Variants in VPS33B observed in about 807,000 individuals in gnomAD.
VPS33B encodes vacuolar protein sorting-associated protein 33B.
Under a neutral mutation model 95.3 loss-of-function variants are expected in VPS33B, and 80 were observed. The observed-to-expected ratio is 0.84, with a 90% CI of 0.70 to 1.01. The LOEUF is 1.01. VPS33B is among the 50% of genes least tolerant of loss of function. The pLI, the probability that VPS33B is intolerant of heterozygous loss-of-function variation, is 0.00. For missense variants in VPS33B, 715 were observed against 773.4 expected, an observed-to-expected ratio of 0.92 and a Z score of 0.90; for synonymous variants, 280 against 280.4, an observed-to-expected ratio of 1.00 and a Z score of 0.01.
Position 91,007,871 on chromosome 15 carries a change from A to T in VPS33B, c.497T>A (p.Leu166Gln). 1 of 1,614,196 alleles carries T rather than the reference A, an allele frequency of 6.2e-7. No homozygotes were observed. Residue 166 changes from leucine (L) to glutamine (Q), a missense_variant and splice_region_variant, in exon 7 of 23, where the codon CTG becomes CAG. Leu to Gln is a moderately radical substitution (Grantham distance 113, BLOSUM62 -2). Coordinates refer to ENST00000333371, the MANE Select transcript of VPS33B (RefSeq NM_018668.5). The surrounding 1 kb of genome is among the most constrained non-coding windows in gnomAD (Gnocchi z 5.3). ...AGACACAAGGGCCTCTGCATTTACCAGAAAGTAATCCCTGAAAAATTCTGG... is the reference window on the plus strand; with the variant it reads ...AGACACAAGGGCCTCTGCATTTACCTGAAAGTAATCCCTGAAAAATTCTGG... ...ELPEFFRDYFLEGDQRWINTV... is the reference protein window; with the variant it reads ...ELPEFFRDYFQEGDQRWINTV...
chr15:90,999,414 G>C lies in VPS33B; in HGVS notation c.1774+263C>G, dbSNP rs2040368610. On this transcript the variant is annotated intron_variant, in intron 22 of 22. Transcript: ENST00000333371. The surrounding 1 kb of genome is among the most constrained non-coding windows in gnomAD (Gnocchi z 5.1). ...GCTCACTGCAACCTCCACCTCCCGG[G>C]TTCAAGCAATTCTCCTGCCTCAGCC... The C allele has an allele frequency of 5.9e-6, 3 of 511,992 alleles. No homozygotes were observed. In the Admixed American group the frequency reaches 9.2e-5, roughly 16 times the overall value. 31.7% of individuals were successfully genotyped at this position (511,992 alleles called of 1,614,324 possible).
chr15:91,022,343 A>G lies in VPS33B; in HGVS notation c.-94T>C. 1 of 1,319,228 alleles carries G rather than the reference A, an allele frequency of 7.6e-7. No homozygotes were observed. The allele number at this position is 1,319,228 out of a possible 1,614,324, so 81.7% of individuals were successfully genotyped here. On this transcript the variant is annotated 5_prime_UTR_variant, in exon 1 of 23. Coordinates refer to ENST00000333371, the MANE Select transcript of VPS33B (RefSeq NM_018668.5). ...GGAAGCGCAAGGGGGGCTATCCTTC[A>G]GGCCTGGGCACCGACTTCCAGAGAC... is the stretch of plus-strand genomic sequence containing the variant.
intron 16 of VPS33B, among the ~76,000 whole-genome samples, chr15:91,003,461 A>G (rs1442183511): frequency 6.6e-6 from 1 of 152,010 alleles, no homozygotes; most frequent in Non-Finnish European, 1.5e-5. Context: ...TTATTTAGAG[A>G]TGGAGTCTTG....
rs931109363 is a variant in VPS33B, at chr15:91,015,107, G to C, written c.240-674C>G. Among the ~76,000 whole-genome samples the C allele has an allele frequency of 6.6e-6, 1 of 151,540 alleles. No individual in the cohort carries two copies. Among genetic ancestry groups the C allele is most frequent in the Non-Finnish European group, 1.5e-5 (1 of 67,884 alleles). ...TCCCAGCACTTTGGGAGGCAGAGGC[G>C]GGTGGATCACCTGAGGTCAGGAGTT... On this transcript the variant is annotated intron_variant, in intron 3 of 22. Transcript: ENST00000333371. The surrounding 1 kb of genome is among the most constrained non-coding windows in gnomAD (Gnocchi z 4.7).
Position 91,016,950 on chromosome 15 carries a change from C to A in VPS33B, c.239+13G>T. ...CCAGCTTGGAGTAGGGACAGACTCT[C>A]CCAGACACTCACTGTTCATTGGAGC... On this transcript the variant is annotated intron_variant, in intron 3 of 22. Transcript: ENST00000333371. The A allele has an allele frequency of 1.9e-6, 3 of 1,613,798 alleles. No homozygotes were observed. In the Middle Eastern group the frequency reaches 5.0e-4, roughly 266 times the overall value.
intron 1 of VPS33B, among the ~76,000 whole-genome samples, chr15:91,021,070 C>T (rs967238752): frequency 6.6e-6 from 1 of 152,092 alleles, no homozygotes; most frequent in African/African-American, 2.4e-5. Context: ...AAATCAACTT[C>T]CCCCATCAAA....
At position 91,011,008 on chromosome 15, in the gene VPS33B, T is replaced by C. The variant is rs1012243889; in HGVS notation, c.358-1162A>G. 7.9e-5 allele frequency among the ~76,000 whole-genome samples: 12 copies of C among 151,970 alleles called. No homozygotes were observed. The highest frequency in any genetic ancestry group is 2.9e-4 in the African/African-American group (12 of 41,368). ...GCTCTGAAAGGGAAAAGAGATGAAA[T>C]GGGAGACATTGTTTAGAAGGCATAG... is the stretch of plus-strand genomic sequence containing the variant. On this transcript the variant is annotated intron_variant, in intron 5 of 22. Transcript: ENST00000333371. The surrounding 1 kb of genome is among the most constrained non-coding windows in gnomAD (Gnocchi z 5.5).
In VPS33B at chr15:91,022,414, C is replaced by T; in HGVS notation, c.-165G>A. 1.6e-6 allele frequency: 1 copy of T among 622,460 alleles called. No homozygotes were observed. The highest frequency in any genetic ancestry group is 2.8e-6 in the Non-Finnish European group (1 of 363,396). 38.6% of individuals were successfully genotyped at this position (622,460 alleles called of 1,614,324 possible). On this transcript the variant is annotated 5_prime_UTR_variant, in exon 1 of 23. Transcript: ENST00000333371. ...TCAGCAGCACTCCAGGAATGAATGG[C>T]CACCTCCAGGCAAGAGAGCTACTAC... is the stretch of plus-strand genomic sequence containing the variant.
chr15:91,000,565 A>G lies in VPS33B; in HGVS notation c.1506T>C (p.Asp502=), dbSNP rs775501556. 9 of 1,613,208 alleles carry G rather than the reference A, an allele frequency of 5.6e-6. No individual in the cohort carries two copies. In the East Asian group the frequency reaches 1.6e-4, roughly 28 times the overall value. The part of the protein sequence containing the change: ...NLIPRVDGEY[D]LKVPRDMAYV... ...AAGCCATGTCTCGGGGCACTTTCAG[A>G]TCATACTCGCCGTCCACACGTGGGA... The change falls in exon 20 of 23, where the codon GAT becomes GAC. Residue 502 remains aspartate (D), a synonymous_variant. Transcript: ENST00000333371. This position sits in a 1 kb window ranked among gnomAD's most constrained non-coding sequence, Gnocchi z 4.9.
chr15:91,020,837 C>T (rs1235003969), intron 1 of VPS33B, among the ~76,000 whole-genome samples: 2 of 152,188 alleles, frequency 1.3e-5, no homozygotes, highest in South Asian at 2.1e-4. Context: ...GCCAAGATCG[C>T]GCCACTGCAC....
chr15:91,014,219 C>CAAAAAAAAAAAAAAAA (rs61232231), intron 4 of VPS33B, among the ~76,000 whole-genome samples, 165 bp downstream of exon 4: 1 of 59,624 alleles, frequency 1.7e-5, no homozygotes, highest in Non-Finnish European at 3.6e-5. Context: ...AACTCCGTCT[C>CAAAAAAAAAAAAAAAA]AAAAAAAAAA....
At position 90,999,110 on chromosome 15, in the gene VPS33B, C is replaced by T; in HGVS notation, c.1775-56G>A. The T allele has an allele frequency of 1.9e-6, 3 of 1,554,398 alleles. No individual in the cohort carries two copies. The highest frequency in any genetic ancestry group is 1.4e-5 in the African/African-American group (1 of 73,868). ...CAGCACAGATCTTAGGCCCCAACGG[C>T]AACCCATAGAGCCTCTCCAGTTCCA... is the stretch of plus-strand genomic sequence containing the variant. On this transcript the variant is annotated intron_variant, in intron 22 of 22. Coordinates refer to ENST00000333371, the MANE Select transcript of VPS33B (RefSeq NM_018668.5). The surrounding 1 kb of genome is among the most constrained non-coding windows in gnomAD (Gnocchi z 5.1).
At chr15:91,019,423 T>C (rs930591550) in intron 1 of VPS33B, among the ~76,000 whole-genome samples, 1 of 151,930 alleles carries the variant, frequency 6.6e-6, no homozygotes, top group Non-Finnish European at 1.5e-5. Flanking sequence ...GTTTGGCCTT[T>C]TTAAATGTTT....
rs1468429760 is a variant in VPS33B, at chr15:91,000,007, A to G, written c.1582-32T>C. ...AGGTGTAAGCACTGTTTTTAAGGCT[A>G]CAGACAGTATCAGGCTTAGGAAAGG... On this transcript the variant is annotated intron_variant, in intron 20 of 22. Coordinates refer to ENST00000333371, the MANE Select transcript of VPS33B (RefSeq NM_018668.5). The surrounding 1 kb of genome is among the most constrained non-coding windows in gnomAD (Gnocchi z 4.9). 4 of 1,613,500 alleles carry G rather than the reference A, an allele frequency of 2.5e-6. No homozygotes were observed. In the South Asian group the frequency reaches 3.3e-5, roughly 13 times the overall value.
Position 90,998,836 on chromosome 15 carries a change from C to T in VPS33B, c.*139G>A, listed in dbSNP as rs1202223947. On this transcript the variant is annotated 3_prime_UTR_variant, in exon 23 of 23. Coordinates refer to ENST00000333371, the MANE Select transcript of VPS33B (RefSeq NM_018668.5). This position sits in a 1 kb window ranked among gnomAD's most constrained non-coding sequence, Gnocchi z 4.8. ...GAACTCTTTTCTCAGATAATGTTCTCTAAATCCCAACACGTTCCATGCTCC... is the reference window on the plus strand; with the variant it reads ...GAACTCTTTTCTCAGATAATGTTCTTTAAATCCCAACACGTTCCATGCTCC... 1 of 886,466 alleles carries T rather than the reference C, an allele frequency of 1.1e-6. No homozygotes were observed. The highest frequency in any genetic ancestry group is 1.9e-6 in the Non-Finnish European group (1 of 540,160). 54.9% of individuals were successfully genotyped at this position (886,466 alleles called of 1,614,324 possible). A position where few individuals can be genotyped will look rare whatever the true frequency, so the allele number is the denominator to read the frequency against.
chr15:91,010,271 G>C lies in VPS33B; in HGVS notation c.358-425C>G, dbSNP rs1282327153. Among the ~76,000 whole-genome samples, 1 of 152,162 alleles carries C rather than the reference G, an allele frequency of 6.6e-6. No homozygotes were observed. Among genetic ancestry groups the C allele is most frequent in the African/African-American group, 2.4e-5 (1 of 41,436 alleles). On this transcript the variant is annotated intron_variant, in intron 5 of 22. Transcript: ENST00000333371. This position sits in a 1 kb window ranked among gnomAD's most constrained non-coding sequence, Gnocchi z 5.7. ...ACGGGACCTTGGGAGACACAGACAA[G>C]GACTTGGGATTAAGTAGCATATATG...
In VPS33B at chr15:90,999,714, A is replaced by C; in HGVS notation, c.1737T>G (p.Ser579=). ...CCAGGAACCGGAGGGCTGAGATCTC[A>C]GAGAATGTACAACCACCCAAGAACA... ...LVVFLGGCTF[S]EISALRFLGR... is the part of the protein sequence containing the mutation. The change falls in exon 22 of 23, where the codon TCT becomes TCG. Residue 579 remains serine (S), a synonymous_variant. Transcript: ENST00000333371. This position sits in a 1 kb window ranked among gnomAD's most constrained non-coding sequence, Gnocchi z 5.1. The C allele has an allele frequency of 6.2e-7, 1 of 1,614,200 alleles. No individual in the cohort carries two copies. The highest frequency in any genetic ancestry group is 8.5e-7 in the Non-Finnish European group (1 of 1,180,042).
intron 6 of VPS33B, among the ~76,000 whole-genome samples, chr15:91,008,841 G>A (rs755802804): frequency 6.6e-6 from 1 of 152,176 alleles, no homozygotes; most frequent in Non-Finnish European, 1.5e-5. Context: ...AGAAAATCAA[G>A]CTTAGAATTT....
In VPS33B at chr15:91,013,433, A is replaced by G. The variant is rs779130986; in HGVS notation, c.357+371T>C. On this transcript the variant is annotated intron_variant, in intron 5 of 22. Transcript: ENST00000333371. This position sits in a 1 kb window ranked among gnomAD's most constrained non-coding sequence, Gnocchi z 4.5. ...CAACAGTGTTGGGAGGTGCAGCCTA[A>G]TAACAGGTGATTGGGTTATGAGGGA... 5.9e-5 allele frequency among the ~76,000 whole-genome samples: 9 copies of G among 152,318 alleles called. No homozygotes were observed. The highest frequency in any genetic ancestry group is 1.2e-4 in the Non-Finnish European group (8 of 68,022).
Sources: gnomAD v4.1 joint callset for allele counts (sites outside exome capture counted in the v4.1 genomes callset) on GRCh38, gnomAD v4.1.1 for gene constraint, Gnocchi (gnomAD v3.1) non-coding constraint, MANE v1.5 for transcripts, NCBI Gene and HGNC (gene_info 2026-07-23, HGNC 2026-07-21) for gene names.